Variants in GRIK2 observed in about 807,000 individuals in gnomAD.
The protein encoded by GRIK2 is glutamate receptor ionotropic, kainate 2.
Under a neutral mutation model 100.3 loss-of-function variants are expected in GRIK2, and 32 were observed. That is an observed-to-expected ratio of 0.32 (90% CI 0.24 to 0.43). The LOEUF is 0.43. GRIK2 is among the 20% of genes least tolerant of loss of function. The pLI is 1.00. For missense variants in GRIK2, 843 were observed against 1,114.9 expected (o/e 0.76, Z 3.47); for synonymous variants, 417 against 389.4 (o/e 1.07, Z -0.83).
intron 14 of GRIK2, among the ~76,000 whole-genome samples, chr6:101,972,972 G>C (rs774939107): frequency 6.6e-6 from 1 of 151,952 alleles, no homozygotes; most frequent in East Asian, 1.9e-4. Context: ...TTTGAAGCCA[G>C]GTAGTGTGAT....
chr6:101,732,343 A>G (rs1562342046), intron 7 of GRIK2, among the ~76,000 whole-genome samples: 1 of 152,042 alleles, frequency 6.6e-6, no homozygotes, highest in East Asian at 1.9e-4. Context: ...AAAATTAATT[A>G]GATTATATTT....
intron 10 of GRIK2, among the ~76,000 whole-genome samples, chr6:101,828,554 A>G (rs1782480021): frequency 6.6e-6 from 1 of 151,940 alleles, no homozygotes; most frequent in Non-Finnish European, 1.5e-5. Context: ...AAGAGAGAAG[A>G]TCCAACTAAG....
chr6:101,918,979 T>G (rs573154142), intron 12 of GRIK2, among the ~76,000 whole-genome samples: 1 of 151,740 alleles, frequency 6.6e-6, no homozygotes, highest in African/African-American at 2.4e-5. Context: ...TAGAAGCCAG[T>G]TGGGTGAATT....
At chr6:102,017,295 C>T (rs1769165006) in intron 14 of GRIK2, among the ~76,000 whole-genome samples, 1 of 152,048 alleles carries the variant, frequency 6.6e-6, no homozygotes, top group African/African-American at 2.4e-5. Flanking sequence ...AACTGCCAAA[C>T]ACTTTTAAAA....
intron 4 of GRIK2, among the ~76,000 whole-genome samples, chr6:101,638,854 G>A (rs147123382): frequency 1.4e-3 from 208 of 152,096 alleles, no homozygotes; most frequent in African/African-American, 4.8e-3. Context: ...AGGTGTGGTG[G>A]CACTCACCTG....
chr6:102,058,654 T>A lies in GRIK2; in HGVS notation c.2562+3074T>A, dbSNP rs536282654. Among the ~76,000 whole-genome samples, 3 of 151,672 alleles carry A rather than the reference T, an allele frequency of 2.0e-5. No homozygotes were observed. In the South Asian group the frequency reaches 6.2e-4, roughly 31 times the overall value. ...ATTAGCCATACGATAGTCCTAGATT[T>A]TATCATACATTTGAGAACATACAGA... On this transcript the variant is annotated intron_variant, in intron 16 of 16. Transcript: ENST00000369134.
intron 14 of GRIK2, among the ~76,000 whole-genome samples, chr6:101,962,400 C>T (rs1792363019): frequency 6.6e-6 from 1 of 152,072 alleles, no homozygotes. Context: ...GGCACATGCT[C>T]TGTGTGCTTT....
At chr6:101,595,712 G>GTA (rs1162539380) in intron 2 of GRIK2, among the ~76,000 whole-genome samples, 15 of 131,550 alleles carry the variant, frequency 1.1e-4, no homozygotes, top group South Asian at 5.1e-4. Context: ...GTGTGTGTGT[G>GTA]TGTGTGTATA....
intron 2 of GRIK2, among the ~76,000 whole-genome samples, chr6:101,567,914 T>G (rs1777356566): frequency 6.6e-6 from 1 of 151,994 alleles, no homozygotes; most frequent in African/African-American, 2.4e-5. Context: ...GAAAACTAAT[T>G]TTACCTTTTA....
chr6:101,817,114 T>C (rs983995566), intron 9 of GRIK2, among the ~76,000 whole-genome samples: 2 of 152,174 alleles, frequency 1.3e-5, no homozygotes, highest in African/African-American at 4.8e-5. Context: ...CATAGTCTAA[T>C]GTAAAGAAAT....
At chr6:101,988,003 A>G (rs915609560) in intron 14 of GRIK2, among the ~76,000 whole-genome samples, 2 of 151,728 alleles carry the variant, frequency 1.3e-5, no homozygotes, top group African/African-American at 4.8e-5. Context: ...ATCGGATCAT[A>G]AAACTGCCTT....
intron 14 of GRIK2, among the ~76,000 whole-genome samples, chr6:101,986,920 G>T (rs931459351): frequency 2.6e-5 from 4 of 151,836 alleles, no homozygotes; most frequent in Non-Finnish European, 5.9e-5. Context: ...CAGGAGGATT[G>T]CTTGAGGCTA....
intron 2 of GRIK2, among the ~76,000 whole-genome samples, chr6:101,478,088 A>C (rs181330071): frequency 6.6e-6 from 1 of 152,176 alleles, no homozygotes; most frequent in South Asian, 2.1e-4. Context: ...CAAAAAGTAC[A>C]TTTTTGAATA....
intron 2 of GRIK2, among the ~76,000 whole-genome samples, chr6:101,494,767 C>T (rs1399108458): frequency 1.3e-5 from 2 of 150,676 alleles, no homozygotes; most frequent in Non-Finnish European, 3.0e-5. Context: ...CCTGTCGCTA[C>T]TAAAAATACA....
chr6:101,402,233 A>G (rs1192311929), intron 2 of GRIK2, among the ~76,000 whole-genome samples: 1 of 152,024 alleles, frequency 6.6e-6, no homozygotes, highest in African/African-American at 2.4e-5. Flanking sequence ...GGCACACACA[A>G]TAACACACAC....
At chr6:102,001,189 T>G (rs115427055) in intron 14 of GRIK2, among the ~76,000 whole-genome samples, 1 of 151,628 alleles carries the variant, frequency 6.6e-6, no homozygotes, top group African/African-American at 2.4e-5. Flanking sequence ...TTCTTTATTT[T>G]TTTTTTTTTT....
intron 2 of GRIK2, among the ~76,000 whole-genome samples, chr6:101,606,108 G>A (rs1300847324): frequency 6.6e-6 from 1 of 151,784 alleles, no homozygotes; most frequent in African/African-American, 2.4e-5. Flanking sequence ...CATATTACTG[G>A]GCTCTCACTG....
intron 7 of GRIK2, among the ~76,000 whole-genome samples, chr6:101,797,385 C>A (rs1428571146): frequency 6.6e-6 from 1 of 151,670 alleles, no homozygotes; most frequent in Non-Finnish European, 1.5e-5. Flanking sequence ...GGTGGGCTTC[C>A]CCACTTGTTA....
chr6:101,430,597 C>G (rs1360937179), intron 2 of GRIK2: 2 of 161,248 alleles, frequency 1.2e-5, no homozygotes, highest in African/African-American at 4.8e-5. Flanking sequence ...CTCCAGATAG[C>G]ACTGTGTCAG....
Sources: gnomAD v4.1 joint callset for allele counts (sites outside exome capture counted in the v4.1 genomes callset) on GRCh38, gnomAD v4.1.1 for gene constraint, MANE v1.5 for transcripts, NCBI Gene and HGNC (gene_info 2026-07-23, HGNC 2026-07-21) for gene names.